Variants in SOX9 observed in about 807,000 individuals in gnomAD.
SOX9 encodes transcription factor SOX-9.
Under a neutral mutation model 44.8 loss-of-function variants are expected in SOX9, and 2 were observed. That is an observed-to-expected ratio of 0.04 (90% CI 0.02 to 0.14). The LOEUF is 0.14. SOX9 is among the 10% of genes least tolerant of loss of function. The pLI is 1.00. For missense variants in SOX9, 583 were observed against 728.6 expected (o/e 0.80, Z 2.30); for synonymous variants, 381 against 331.8 (o/e 1.15, Z -1.61).
chr17:72,123,503 C>T lies in SOX9; in HGVS notation c.686-40C>T, dbSNP rs2143249773. ...CTAAGACTAGGGCGTCTGCACAGCC[C>T]TTGTTGATTTTCTCGTGCTTGTTCT... On this transcript the variant is annotated intron_variant, in intron 2 of 2. Coordinates refer to ENST00000245479, the MANE Select transcript of SOX9 (RefSeq NM_000346.4). This position sits in a 1 kb window ranked among gnomAD's most constrained non-coding sequence, Gnocchi z 6.5. The T allele has an allele frequency of 6.2e-7, 1 of 1,613,720 alleles. No individual in the cohort carries two copies. Among genetic ancestry groups the T allele is most frequent in the South Asian group, 1.1e-5 (1 of 91,072 alleles).
In SOX9 at chr17:72,124,292, C is replaced by T. The variant is rs1908214774; in HGVS notation, c.1435C>T (p.Pro479Ser). 1.2e-6 allele frequency: 2 copies of T among 1,610,004 alleles called. No homozygotes were observed. The highest frequency in any genetic ancestry group is 1.7e-6 in the Non-Finnish European group (2 of 1,180,012). ...CCCCGCTCAGCGCCCCATGTACACC[C>T]CCATCGCCGACACCTCTGGGGTCCC... ...MNPAQRPMYT[P>S]IADTSGVPSI... is the part of the protein sequence containing the mutation. Residue 479 changes from proline to serine, a missense_variant, in exon 3 of 3, where the codon CCC becomes TCC. Pro to Ser is a moderately conservative substitution (Grantham distance 74). This residue lies in a region of SOX9 where 349 missense variants were observed against 387.0 expected (regional missense o/e 0.90). Transcript: ENST00000245479. This position sits in a 1 kb window ranked among gnomAD's most constrained non-coding sequence, Gnocchi z 4.6.
chr17:72,125,660 G>GT lies in SOX9; in HGVS notation c.*1282dup, dbSNP rs921311023. On this transcript the variant is annotated 3_prime_UTR_variant, in exon 3 of 3. Coordinates refer to ENST00000245479, the MANE Select transcript of SOX9 (RefSeq NM_000346.4). ...TAAATTATGTTCTTAACTGTAACCA[G>GT]TTTTTTTTTATTTATCTCTTTAATC... 146 of 221,802 alleles carry GT rather than the reference G, an allele frequency of 6.6e-4. No homozygotes were observed. The highest frequency in any genetic ancestry group is 1.1e-3 in the East Asian group (17 of 15,322). 13.7% of individuals were successfully genotyped at this position (221,802 alleles called of 1,614,324 possible). A position where few individuals can be genotyped will look rare whatever the true frequency, so the allele number is the denominator to read the frequency against.
chr17:72,121,020 G>A lies in SOX9; in HGVS notation c.-372G>A. 1 of 521,262 alleles carries A rather than the reference G, an allele frequency of 1.9e-6. No homozygotes were observed. The highest frequency in any genetic ancestry group is 3.3e-6 in the Non-Finnish European group (1 of 300,790). The allele number at this position is 521,262 out of a possible 1,614,324, so 32.3% of individuals were successfully genotyped here. On this transcript the variant is annotated 5_prime_UTR_variant, in exon 1 of 3. Transcript: ENST00000245479. The surrounding 1 kb of genome is among the most constrained non-coding windows in gnomAD (Gnocchi z 8.3). ...TTAAAGAGACCCTGGGCTGGGAGTT[G>A]GAGAGCCGAAAGCGGAGCTCGAAAC... is the stretch of plus-strand genomic sequence containing the variant.
At position 72,122,702 on chromosome 17, in the gene SOX9, C is replaced by T. The variant is rs1908138549; in HGVS notation, c.432-17C>T. 2 of 1,612,524 alleles carry T rather than the reference C, an allele frequency of 1.2e-6. No individual in the cohort carries two copies. Among genetic ancestry groups the T allele is most frequent in the African/African-American group, 1.3e-5 (1 of 74,850 alleles). ...TCTCCCTCTTTTTCTCTGTGCCCCC[C>T]GCCCCGCCCCGAGCAGACTTCTGAA... is the stretch of plus-strand genomic sequence containing the variant. On this transcript the variant is annotated splice_polypyrimidine_tract_variant and intron_variant, in intron 1 of 2. Coordinates refer to ENST00000245479, the MANE Select transcript of SOX9 (RefSeq NM_000346.4).
In SOX9 at chr17:72,123,081, G is replaced by T; in HGVS notation, c.685+109G>T. ...TGGGGACTTTATGCTTCCCGGGAGGGACACACTGCCCTTTGCGCCCGTCCC... is the reference window on the plus strand; with the variant it reads ...TGGGGACTTTATGCTTCCCGGGAGGTACACACTGCCCTTTGCGCCCGTCCC... On this transcript the variant is annotated intron_variant, in intron 2 of 2. Transcript: ENST00000245479. The surrounding 1 kb of genome is among the most constrained non-coding windows in gnomAD (Gnocchi z 6.5). The T allele has an allele frequency of 7.1e-7, 1 of 1,404,572 alleles. No homozygotes were observed. Among genetic ancestry groups the T allele is most frequent in the Non-Finnish European group, 9.8e-7 (1 of 1,018,366 alleles). The allele number at this position is 1,404,572 out of a possible 1,614,324, so 87.0% of individuals were successfully genotyped here.
rs1908247639 is a variant in SOX9 at position 72,125,265 on chromosome 17, G to T, written c.*878G>T. ...AAAACGGTGCTGCTGGGAAACATTT[G>T]CACTCTTTTAGTGCATTTCCTCCTG... On this transcript the variant is annotated 3_prime_UTR_variant, in exon 3 of 3. Coordinates refer to ENST00000245479, the MANE Select transcript of SOX9 (RefSeq NM_000346.4). The T allele has an allele frequency of 8.7e-6, 2 of 228,990 alleles. No homozygotes were observed. Among genetic ancestry groups the T allele is most frequent in the East Asian group, 1.3e-4 (2 of 15,942 alleles). 14.2% of individuals were successfully genotyped at this position (228,990 alleles called of 1,614,324 possible). A position where few individuals can be genotyped will look rare whatever the true frequency, so the allele number is the denominator to read the frequency against.
rs770996719 is a variant in SOX9, at chr17:72,121,444, T to C, written c.53T>C (p.Leu18Pro). The C allele has an allele frequency of 1.2e-6, 2 of 1,612,640 alleles. No individual in the cohort carries two copies. The change falls in exon 1 of 3, where the codon CTG becomes CCG. Residue 18 changes from leucine to proline, a missense_variant. Physicochemically the swap from Leu to Pro is moderately conservative, Grantham distance 98. Transcript: ENST00000245479. The surrounding 1 kb of genome is among the most constrained non-coding windows in gnomAD (Gnocchi z 8.3). ...MKMTDEQEKG[L>P]SGAPSPTMSE... ...ATGACCGACGAGCAGGAGAAGGGCC[T>C]GTCCGGCGCCCCCAGCCCCACCATG...
rs528850018 is a variant in SOX9, at chr17:72,121,815, C to T, written c.424C>T (p.Leu142Phe). ...CGAGCTCAGCAAGACGCTGGGCAAGCTCTGGAGGTAGGACCCGGCGGGGGC... is the reference window on the plus strand; with the variant it reads ...CGAGCTCAGCAAGACGCTGGGCAAGTTCTGGAGGTAGGACCCGGCGGGGGC... The part of the protein sequence containing the change: ...NAELSKTLGK[L>F]WRLLNESEKR... The change falls in exon 1 of 3, where the codon CTC (leucine) becomes TTC (phenylalanine). Residue 142 changes from leucine (L) to phenylalanine (F), a missense_variant. Around this residue, in one of 7 missense-constraint regions of SOX9, gnomAD observed 21 missense variants for 73.6 expected, o/e 0.29. Coordinates refer to ENST00000245479, the MANE Select transcript of SOX9 (RefSeq NM_000346.4). The surrounding 1 kb of genome is among the most constrained non-coding windows in gnomAD (Gnocchi z 8.3). The T allele has an allele frequency of 6.3e-7, 1 of 1,579,376 alleles. No homozygotes were observed. Among genetic ancestry groups the T allele is most frequent in the African/African-American group, 1.3e-5 (1 of 74,354 alleles).
rs751690259 is a variant in SOX9 at position 72,123,640 on chromosome 17, G to A, written c.783G>A (p.Glu261=). 1.9e-6 allele frequency: 3 copies of A among 1,613,822 alleles called. No individual in the cohort carries two copies. The highest frequency in any genetic ancestry group is 1.3e-5 in the African/African-American group (1 of 74,888). Residue 261 remains glutamate, a synonymous_variant, in exon 3 of 3, where the codon GAG becomes GAA. Transcript: ENST00000245479. The surrounding 1 kb of genome is among the most constrained non-coding windows in gnomAD (Gnocchi z 6.5). Reference sequence around the variant, plus strand: ...AGCGAGAGGGGCGCCCCTTGCCAGAGGGGGGCAGACAGCCCCCTATCGACT... The same window carrying A: ...AGCGAGAGGGGCGCCCCTTGCCAGAAGGGGGCAGACAGCCCCCTATCGACT... ...DLKREGRPLP[E]GGRQPPIDFR... is the part of the protein sequence containing the mutation.
chr17:72,123,771 GGGTGCC>G lies in SOX9; in HGVS notation c.917_922del (p.Val306_Pro307del). 6.2e-7 allele frequency: 1 copy of G among 1,613,336 alleles called. No homozygotes were observed. The highest frequency in any genetic ancestry group is 8.5e-7 in the Non-Finnish European group (1 of 1,179,928). On this transcript the variant is annotated inframe_deletion, in exon 3 of 3. Coordinates refer to ENST00000245479, the MANE Select transcript of SOX9 (RefSeq NM_000346.4). This position sits in a 1 kb window ranked among gnomAD's most constrained non-coding sequence, Gnocchi z 6.5. The stretch of plus-strand genomic sequence containing the variant: ...TACCTGCCGCCCAACGGCCACCCGG[GGGTGCC>G]GGCCACGCACGGCCAGGTCACCTAC...
intron 1 of SOX9, 48 bp from the exon 2 acceptor site, chr17:72,122,671 G>T: frequency 6.3e-7 from 1 of 1,590,650 alleles, no homozygotes; most frequent in Non-Finnish European, 8.6e-7. Context: ...GGATTTCACT[G>T]ACCCCTCTCC....
At position 72,123,878 on chromosome 17, in the gene SOX9, G is replaced by GCGC. The variant is rs776337541; in HGVS notation, c.1029_1031dup (p.Pro346dup). Reference sequence around the variant, plus strand: ...CCACGTGTGGATGTCCAAGCAGCAGGCGCCGCCGCCACCCCCGCAGCAGCC... The same window carrying GCGC: ...CCACGTGTGGATGTCCAAGCAGCAGGCGCCGCCGCCGCCACCCCCGCAGCAGCC... On this transcript the variant is annotated inframe_insertion, in exon 3 of 3. Coordinates refer to ENST00000245479, the MANE Select transcript of SOX9 (RefSeq NM_000346.4). This position sits in a 1 kb window ranked among gnomAD's most constrained non-coding sequence, Gnocchi z 6.5. 1.5e-4 allele frequency: 228 copies of GCGC among 1,513,898 alleles called. 1 individual carries two copies. In the Admixed American group the frequency reaches 1.9e-3, roughly 12 times the overall value. The allele number at this position is 1,513,898 out of a possible 1,614,324, so 93.8% of individuals were successfully genotyped here. A position where few individuals can be genotyped will look rare whatever the true frequency, so the allele number is the denominator to read the frequency against.
In SOX9 at chr17:72,124,640, G is replaced by A. The variant is rs368921209; in HGVS notation, c.*253G>A. 6.9e-6 allele frequency: 4 copies of A among 583,472 alleles called. No homozygotes were observed. The highest frequency in any genetic ancestry group is 3.1e-6 in the Non-Finnish European group (1 of 326,818). 36.1% of individuals were successfully genotyped at this position (583,472 alleles called of 1,614,324 possible). A position where few individuals can be genotyped will look rare whatever the true frequency, so the allele number is the denominator to read the frequency against. On this transcript the variant is annotated 3_prime_UTR_variant, in exon 3 of 3. Coordinates refer to ENST00000245479, the MANE Select transcript of SOX9 (RefSeq NM_000346.4). This position sits in a 1 kb window ranked among gnomAD's most constrained non-coding sequence, Gnocchi z 4.6. ...GCCAATCAGTGGCCAGGCCAACCTT[G>A]GCTAAATGGAGCAGCGAAATCAACG...
chr17:72,123,474 G>T lies in SOX9; in HGVS notation c.686-69G>T. ...AGCAGCGAGGGAGGGTCCCCGGAGG[G>T]TGCCTAAGACTAGGGCGTCTGCACA... On this transcript the variant is annotated intron_variant, in intron 2 of 2. Coordinates refer to ENST00000245479, the MANE Select transcript of SOX9 (RefSeq NM_000346.4). This position sits in a 1 kb window ranked among gnomAD's most constrained non-coding sequence, Gnocchi z 6.5. 3 of 1,606,522 alleles carry T rather than the reference G, an allele frequency of 1.9e-6. No individual in the cohort carries two copies. The highest frequency in any genetic ancestry group is 2.6e-6 in the Non-Finnish European group (3 of 1,174,552).
At position 72,124,027 on chromosome 17, in the gene SOX9, C is replaced by T. The variant is rs758356407; in HGVS notation, c.1170C>T (p.Gly390=). The T allele has an allele frequency of 6.2e-7, 1 of 1,609,208 alleles. No homozygotes were observed. Among genetic ancestry groups the T allele is most frequent in the Non-Finnish European group, 8.5e-7 (1 of 1,177,634 alleles). ...HTLTTLSSEP[G]QSQRTHIKTE... The stretch of plus-strand genomic sequence containing the variant: ...TGACCACGCTGAGCAGCGAGCCGGG[C>T]CAGTCCCAGCGAACGCACATCAAGA... Residue 390 remains glycine, a synonymous_variant, in exon 3 of 3, where the codon GGC becomes GGT. Transcript: ENST00000245479. The surrounding 1 kb of genome is among the most constrained non-coding windows in gnomAD (Gnocchi z 4.6).
At chr17:72,122,679 T>C in intron 1 of SOX9, 40 bp from the exon 2 acceptor site, 1 of 1,601,632 alleles carries the variant, frequency 6.2e-7, no homozygotes, top group South Asian at 1.1e-5. Context: ...CTGACCCCTC[T>C]CCCTCTTTTT....
In SOX9 at chr17:72,121,841, G is replaced by A. The variant is rs763207193; in HGVS notation, c.431+19G>A. On this transcript the variant is annotated intron_variant, in intron 1 of 2. Transcript: ENST00000245479. The surrounding 1 kb of genome is among the most constrained non-coding windows in gnomAD (Gnocchi z 8.3). ...TCTGGAGGTAGGACCCGGCGGGGGCGGCGCGGCAGGGTGGGCATCGCGGCG... is the reference window on the plus strand; with the variant it reads ...TCTGGAGGTAGGACCCGGCGGGGGCAGCGCGGCAGGGTGGGCATCGCGGCG... The A allele has an allele frequency of 1.2e-5, 19 of 1,537,112 alleles. No individual in the cohort carries two copies. The highest frequency in any genetic ancestry group is 4.9e-5 in the South Asian group (4 of 81,132).
In SOX9 at chr17:72,123,287, G is replaced by T. The variant is rs1293841534; in HGVS notation, c.686-256G>T. ...TCCCCCACCCCAAAAGCACACACAG[G>T]GCTCTTACACAAGTAGCAATTAGGT... On this transcript the variant is annotated intron_variant, in intron 2 of 2. Transcript: ENST00000245479. The surrounding 1 kb of genome is among the most constrained non-coding windows in gnomAD (Gnocchi z 6.5). Among the ~76,000 whole-genome samples, 1 of 152,118 alleles carries T rather than the reference G, an allele frequency of 6.6e-6. No individual in the cohort carries two copies. Among genetic ancestry groups the T allele is most frequent in the South Asian group, 2.1e-4 (1 of 4,822 alleles).
chr17:72,123,716 G>C lies in SOX9; in HGVS notation c.859G>C (p.Glu287Gln), dbSNP rs767748183. Residue 287 changes from glutamate to glutamine, a missense_variant, in exon 3 of 3, where the codon GAG becomes CAG. Around this residue, in one of 7 missense-constraint regions of SOX9, gnomAD observed 349 missense variants for 387.0 expected, o/e 0.90. Transcript: ENST00000245479. The surrounding 1 kb of genome is among the most constrained non-coding windows in gnomAD (Gnocchi z 6.5). ...ELSSDVISNI[E>Q]TFDVNEFDQY... ...GAGCAGCGACGTCATCTCCAACATC[G>C]AGACCTTCGATGTCAACGAGTTTGA... 3.7e-6 allele frequency: 6 copies of C among 1,613,964 alleles called. No individual in the cohort carries two copies. The highest frequency in any genetic ancestry group is 1.7e-5 in the Admixed American group (1 of 60,028).
Sources: allele counts gnomAD v4.1 joint callset (sites outside exome capture counted in the v4.1 genomes callset), GRCh38; gene constraint gnomAD v4.1.1; regional missense constraint gnomAD v4.1.1; non-coding constraint Gnocchi (gnomAD v3.1); transcripts MANE v1.5; gene names NCBI Gene and HGNC (gene_info 2026-07-23, HGNC 2026-07-21).